The following BAZ2B variants were observed in gnomAD, a reference collection of about 807,000 sequenced individuals.
BAZ2B encodes the protein bromodomain adjacent to zinc finger domain protein 2B.
Under a neutral mutation model 246.0 loss-of-function variants are expected in BAZ2B, and 91 were observed. That is an observed-to-expected ratio of 0.37 (90% CI 0.31 to 0.44). The LOEUF is 0.44. Ranked by LOEUF, BAZ2B falls within the 20% of genes least tolerant of loss-of-function variation. The pLI, the probability that BAZ2B is intolerant of heterozygous loss-of-function variation, is 1.00. For missense variants in BAZ2B, 2,332 were observed against 2,533.7 expected, an observed-to-expected ratio of 0.92 and a Z score of 1.71; for synonymous variants, 855 against 860.0, an observed-to-expected ratio of 0.99 and a Z score of 0.10.
chr2:159,386,323 T>C, intron 22 of BAZ2B, 30 bp downstream of exon 22: 1 of 1,575,180 alleles, frequency 6.3e-7, no homozygotes, highest in Non-Finnish European at 8.6e-7. Context: ...AGTACAAATT[T>C]AAAACATTTT....
intron 20 of BAZ2B, among the ~76,000 whole-genome samples, chr2:159,391,639 G>A (rs1411991634): frequency 2.0e-5 from 3 of 152,012 alleles, no homozygotes; most frequent in Non-Finnish European, 2.9e-5. Flanking sequence ...ATAGACACAC[G>A]GACAAGCTAG....
intron 1 of BAZ2B, among the ~76,000 whole-genome samples, chr2:159,589,472 T>C (rs1381014283): frequency 6.6e-6 from 1 of 151,920 alleles, no homozygotes; most frequent in Non-Finnish European, 1.5e-5. Context: ...AGCCACACTG[T>C]GAGGAAAAAA....
the BAZ2B span, among the ~76,000 whole-genome samples, chr2:159,669,254 T>C: frequency 6.6e-6 from 1 of 152,192 alleles, no homozygotes; most frequent in Non-Finnish European, 1.5e-5. Context: ...ATATTTGGTA[T>C]TTTCCTATCT....
At chr2:159,510,281 C>T (rs1372838556) in intron 2 of BAZ2B, among the ~76,000 whole-genome samples, 1 of 152,022 alleles carries the variant, frequency 6.6e-6, no homozygotes, top group South Asian at 2.1e-4. Context: ...CTCCTGTGTT[C>T]GAGGCCTGAG....
At chr2:159,644,680 A>G in the BAZ2B span, among the ~76,000 whole-genome samples, 1 of 152,140 alleles carries the variant, frequency 6.6e-6, no homozygotes, top group East Asian at 1.9e-4. Context: ...CTCTGTCCTC[A>G]GTTCAAACTG....
chr2:159,408,036 T>C (rs528420486), intron 14 of BAZ2B, among the ~76,000 whole-genome samples: 1 of 152,224 alleles, frequency 6.6e-6, no homozygotes. Flanking sequence ...AAATATGGCA[T>C]AAGTACGATC....
intron 25 of BAZ2B, among the ~76,000 whole-genome samples, 164 bp downstream of exon 25, chr2:159,382,395 T>C (rs943006967): frequency 6.6e-6 from 1 of 152,168 alleles, no homozygotes; most frequent in Non-Finnish European, 1.5e-5. Flanking sequence ...ATCACAAAAA[T>C]CTTTATGGGA....
chr2:159,518,639 T>C (rs762715605), intron 2 of BAZ2B, among the ~76,000 whole-genome samples: 1 of 152,180 alleles, frequency 6.6e-6, no homozygotes, highest in East Asian at 1.9e-4. Flanking sequence ...TCCCATCTTA[T>C]TCCAACATAA....
intron 36 of BAZ2B, chr2:159,321,840 C>T (rs139201024): frequency 6.6e-6 from 1 of 152,130 alleles, no homozygotes; most frequent in African/African-American, 2.4e-5. Context: ...GACAGCACAA[C>T]AAGGAGACTA....
At chr2:159,346,460 T>G (rs1347851937) in intron 31 of BAZ2B, among the ~76,000 whole-genome samples, 1 of 152,132 alleles carries the variant, frequency 6.6e-6, no homozygotes, top group Non-Finnish European at 1.5e-5. Flanking sequence ...ATCCCAGTAT[T>G]TTGGGAGGCC....
the BAZ2B span, among the ~76,000 whole-genome samples, chr2:159,705,959 T>C: frequency 7.1e-6 from 1 of 140,182 alleles, no homozygotes; most frequent in Non-Finnish European, 1.6e-5. Flanking sequence ...TCAATAGGGA[T>C]TTAGAGAAAA....
At chr2:159,575,452 A>G (rs938779136) in intron 1 of BAZ2B, among the ~76,000 whole-genome samples, 4 of 152,250 alleles carry the variant, frequency 2.6e-5, no homozygotes, top group Non-Finnish European at 5.9e-5. Flanking sequence ...GAGTTATAAT[A>G]TTAGGGATAT....
At chr2:159,671,310 C>T in the BAZ2B span, among the ~76,000 whole-genome samples, 2 of 152,042 alleles carry the variant, frequency 1.3e-5, no homozygotes, top group Admixed American at 6.5e-5. Flanking sequence ...GCAATACTTT[C>T]GTTCTCCCAA....
intron 2 of BAZ2B, among the ~76,000 whole-genome samples, chr2:159,520,913 A>G (rs2084056450): frequency 6.6e-6 from 1 of 152,184 alleles, no homozygotes; most frequent in Admixed American, 6.5e-5. Context: ...AAATTTATGA[A>G]GCTTATTACT....
chr2:159,531,982 C>A (rs920336161), intron 2 of BAZ2B, among the ~76,000 whole-genome samples: 1 of 152,112 alleles, frequency 6.6e-6, no homozygotes, highest in Non-Finnish European at 1.5e-5. Flanking sequence ...AAATATATTC[C>A]TAAAACTTTA....
At chr2:159,318,562 C>T (rs534366766), downstream of BAZ2B, among the ~76,000 whole-genome samples, 10 of 152,310 alleles carry the variant, frequency 6.6e-5, no homozygotes, top group African/African-American at 1.4e-4. Context: ...AATGATTCTC[C>T]GGAGTCTGGC....
intron 2 of BAZ2B, among the ~76,000 whole-genome samples, chr2:159,484,414 C>T (rs2079588459): frequency 6.6e-6 from 1 of 152,262 alleles, no homozygotes; most frequent in Non-Finnish European, 1.5e-5. Context: ...TGTTTAAACA[C>T]TGATAATGTA....
chr2:159,527,245 A>T (rs996026570), intron 2 of BAZ2B, among the ~76,000 whole-genome samples: 7 of 152,112 alleles, frequency 4.6e-5, no homozygotes, highest in African/African-American at 1.7e-4. Flanking sequence ...TTCAGCTGAC[A>T]TCCGTATAAC....
rs768129315 is a variant in BAZ2B, at chr2:159,582,343, G to A, written c.-45-26478C>T. On this transcript the variant is annotated intron_variant, in intron 1 of 36. Coordinates refer to ENST00000392783, the MANE Select transcript of BAZ2B (RefSeq NM_013450.4). ...TGAATGGACAGATTTGAGTTTCTCCGGTAAGAATATATCGCTTTGTAATAC... is the reference window on the plus strand; with the variant it reads ...TGAATGGACAGATTTGAGTTTCTCCAGTAAGAATATATCGCTTTGTAATAC... 5.3e-5 allele frequency among the ~76,000 whole-genome samples: 8 copies of A among 152,138 alleles called. No homozygotes were observed. In the East Asian group the frequency reaches 1.2e-3, roughly 22 times the overall value.
Sources: gnomAD v4.1 joint callset for allele counts (sites outside exome capture counted in the v4.1 genomes callset) on GRCh38, gnomAD v4.1.1 for gene constraint, MANE v1.5 for transcripts, NCBI Gene and HGNC (gene_info 2026-07-23, HGNC 2026-07-21) for gene names.